Variants in HHLA1 observed in about 807,000 individuals in gnomAD.
HHLA1 encodes the protein HHLA1 neighbor of OC90.
In HHLA1, 72 loss-of-function variants were observed where a neutral mutation model predicts 69.9. That is an observed-to-expected ratio of 1.03 (90% CI 0.85 to 1.25). HHLA1 has a LOEUF of 1.25. Among genes scored for constraint, HHLA1 ranks in the 50% most tolerant of loss-of-function variants. The pLI is 0.00. For missense variants in HHLA1, 685 were observed against 642.2 expected (o/e 1.07, Z -0.72); for synonymous variants, 252 against 233.2 (o/e 1.08, Z -0.73).
intron 15 of HHLA1, chr8:132,069,972 CTTA>C (rs1419460434): frequency 2.2e-5 from 3 of 136,944 alleles, no homozygotes; most frequent in African/African-American, 3.1e-5. Context: ...ACAGGTCTTG[CTTA>C]TTGCCCTCTA....
rs112611342 is a variant in HHLA1, at chr8:132,109,774, A to C, written c.-22+1328T>G. ...TGTTCTGTTTTACTCACCTGCTTTCAAAATACCATCTTGGAGTGCCAGTAA... is the reference window on the plus strand; with the variant it reads ...TGTTCTGTTTTACTCACCTGCTTTCCAAATACCATCTTGGAGTGCCAGTAA... On this transcript the variant is annotated intron_variant, in intron 1 of 16. Transcript: ENST00000414222. Among the ~76,000 whole-genome samples the C allele has an allele frequency of 1.0e-3, 157 of 152,300 alleles. 1 individual carries two copies. The highest frequency in any genetic ancestry group is 3.7e-3 in the African/African-American group (154 of 41,580).
chr8:132,079,602 G>A (rs754043260), intron 11 of HHLA1, 116 bp downstream of exon 11: 69 of 1,142,040 alleles, frequency 6.0e-5, no homozygotes, highest in Middle Eastern at 4.9e-4. Flanking sequence ...AAGCTGAAGC[G>A]TAACTTCAGT....
At chr8:132,092,740 C>T (rs532608759) in intron 7 of HHLA1, among the ~76,000 whole-genome samples, 11 of 152,282 alleles carry the variant, frequency 7.2e-5, no homozygotes, top group South Asian at 4.1e-4. Flanking sequence ...GACCTCTTCT[C>T]TTTATAAATT....
rs1824067093 is a variant in HHLA1, at chr8:132,098,902, A to G, written c.260T>C (p.Met87Thr). 5 of 1,550,726 alleles carry G rather than the reference A, an allele frequency of 3.2e-6. No individual in the cohort carries two copies. In the South Asian group the frequency reaches 4.8e-5, roughly 15 times the overall value. ...ATTACCTTTTAACGCTCTACTGAGC[A>G]TCCCATTCACAAGCTCTGTCAGGTT... is the stretch of plus-strand genomic sequence containing the variant. ...ALNLTELVNG[M>T]LSRALKDSKK... Residue 87 changes from methionine to threonine, a missense_variant, in exon 5 of 17, where the codon ATG becomes ACG. Physicochemically the swap from Met to Thr is moderately conservative, Grantham distance 81. Transcript: ENST00000414222.
rs759296140 is a variant in HHLA1 at position 132,064,045 on chromosome 8, A to G, written c.1553-7T>C. ...AGGCACTTTTGCTTTAAGGCTGAAAAAAAAGCAGAAGAAGAAGGAACTCAA... is the reference window on the plus strand; with the variant it reads ...AGGCACTTTTGCTTTAAGGCTGAAAGAAAAGCAGAAGAAGAAGGAACTCAA... On this transcript the variant is annotated splice_polypyrimidine_tract_variant and splice_region_variant and intron_variant, in intron 16 of 16. Coordinates refer to ENST00000414222, the MANE Select transcript of HHLA1 (RefSeq NM_001145095.3). 7.7e-7 allele frequency: 1 copy of G among 1,303,416 alleles called. No homozygotes were observed. Among genetic ancestry groups the G allele is most frequent in the Non-Finnish European group, 1.0e-6 (1 of 987,572 alleles). The allele number at this position is 1,303,416 out of a possible 1,614,324, so 80.7% of individuals were successfully genotyped here.
chr8:132,073,742 G>A (rs926389763), intron 14 of HHLA1, among the ~76,000 whole-genome samples: 7 of 152,092 alleles, frequency 4.6e-5, no homozygotes, highest in Admixed American at 2.6e-4. Context: ...CTCAGGAAAT[G>A]ACACTTGGGA....
intron 16 of HHLA1, 31 bp from the exon 17 acceptor site, chr8:132,064,069 A>AAGGTACTGAGATAT: frequency 7.8e-7 from 1 of 1,280,826 alleles, no homozygotes. Context: ...GAAGGAACTC[A>AAGGTACTGAGATAT]AGGTACTGAG....
chr8:132,095,381 ATAATGAATGAGCACATGG>A, intron 7 of HHLA1, 120 bp downstream of exon 7: 1 of 525,984 alleles, frequency 1.9e-6, no homozygotes, highest in Middle Eastern at 4.7e-4. Context: ...TTTCACTGGG[ATAATGAATGAGCACATGG>A]TTAAGGGTAG....
rs142290806 is a variant in HHLA1 at position 132,099,005 on chromosome 8, G to A, written c.200-43C>T. 2,416 of 1,372,686 alleles carry A rather than the reference G, an allele frequency of 1.8e-3. 63 individuals are homozygous for A. In the Admixed American group the frequency reaches 0.046, roughly 26 times the overall value. 85.0% of individuals were successfully genotyped at this position (1,372,686 alleles called of 1,614,324 possible). A position where few individuals can be genotyped will look rare whatever the true frequency, so the allele number is the denominator to read the frequency against. ...ATAATGTCACTGGCAGGCTTTTCTC[G>A]GCAAGAGAAAAAGTTTCTCATTTCC... On this transcript the variant is annotated intron_variant, in intron 4 of 16. Transcript: ENST00000414222.
chr8:132,070,016 GGGGGGGGGA>G lies in HHLA1; in HGVS notation c.1469+1315_1469+1323del, dbSNP rs1264002302. On this transcript the variant is annotated intron_variant, in intron 15 of 16. Coordinates refer to ENST00000414222, the MANE Select transcript of HHLA1 (RefSeq NM_001145095.3). The stretch of plus-strand genomic sequence containing the variant: ...GGAGGAAATGTTCGTACTGACGGGG[GGGGGGGGGA>G]GGGGGATGAAAGATTACAGCTGGAA... 1.3e-3 allele frequency: 36 copies of G among 28,360 alleles called. 4 individuals carry two copies. Among genetic ancestry groups the G allele is most frequent in the Middle Eastern group, 7.0e-3 (1 of 142 alleles). The allele number at this position is 28,360 out of a possible 1,614,324, so 1.8% of individuals were successfully genotyped here.
intron 7 of HHLA1, among the ~76,000 whole-genome samples, chr8:132,093,129 G>A (rs1281698262): frequency 6.6e-6 from 1 of 152,134 alleles, no homozygotes; most frequent in Non-Finnish European, 1.5e-5. Context: ...TATTAGCTGG[G>A]GTACATAGGT....
chr8:132,091,364 G>C (rs1823943272), intron 7 of HHLA1, among the ~76,000 whole-genome samples: 1 of 152,164 alleles, frequency 6.6e-6, no homozygotes, highest in African/African-American at 2.4e-5. Context: ...TTTGCCCAAG[G>C]CTCAGAAAGA....
intron 1 of HHLA1, among the ~76,000 whole-genome samples, chr8:132,105,700 G>A (rs971251184): frequency 6.6e-6 from 1 of 152,166 alleles, no homozygotes; most frequent in African/African-American, 2.4e-5. Context: ...TTTGCTTGCA[G>A]CCCATACCAA....
intron 12 of HHLA1, among the ~76,000 whole-genome samples, chr8:132,077,189 C>G (rs999613218): frequency 1.3e-5 from 2 of 152,126 alleles, no homozygotes; most frequent in Non-Finnish European, 2.9e-5. Flanking sequence ...GAGGCACAGG[C>G]GATGGACACC....
intron 1 of HHLA1, among the ~76,000 whole-genome samples, chr8:132,107,108 C>G (rs1824213984): frequency 6.6e-6 from 1 of 152,082 alleles, no homozygotes; most frequent in African/African-American, 2.4e-5. Context: ...TTTCCCCCTT[C>G]TTCTTCTGTA....
In HHLA1 at chr8:132,063,723, A is replaced by C. The variant is rs925780042; in HGVS notation, c.*272T>G. On this transcript the variant is annotated 3_prime_UTR_variant, in exon 17 of 17. Coordinates refer to ENST00000414222, the MANE Select transcript of HHLA1 (RefSeq NM_001145095.3). ...TAGGAGTTTCTTGAGCATGAACACT[A>C]GATTTCCATGATTTTGAAGCAGGCA... The C allele has an allele frequency of 5.5e-6, 1 of 181,548 alleles. No individual in the cohort carries two copies. Among genetic ancestry groups the C allele is most frequent in the Non-Finnish European group, 1.2e-5 (1 of 83,452 alleles). The allele number at this position is 181,548 out of a possible 1,614,324, so 11.2% of individuals were successfully genotyped here.
At chr8:132,070,205 T>TTTAGTTC (rs1823510310) in intron 15 of HHLA1, 1 of 641,636 alleles carries the variant, frequency 1.6e-6, no homozygotes, top group African/African-American at 1.8e-5. Context: ...ATCTATGTAA[T>TTTAGTTC]TTAGTTCTGG....
At chr8:132,082,071 A>T (rs551070402) in intron 10 of HHLA1, among the ~76,000 whole-genome samples, 1 of 152,122 alleles carries the variant, frequency 6.6e-6, no homozygotes, top group African/African-American at 2.4e-5. Flanking sequence ...GAGATACAGT[A>T]ATGGGGGCCA....
chr8:132,064,681 A>T (rs1823406424), intron 16 of HHLA1, among the ~76,000 whole-genome samples: 1 of 152,224 alleles, frequency 6.6e-6, no homozygotes, highest in African/African-American at 2.4e-5. Flanking sequence ...TAAGCAGAAG[A>T]GGTAAATGGA....
Sources: gnomAD v4.1 joint callset for allele counts (sites outside exome capture counted in the v4.1 genomes callset) on GRCh38, gnomAD v4.1.1 for gene constraint, MANE v1.5 for transcripts, NCBI Gene and HGNC (gene_info 2026-07-23, HGNC 2026-07-21) for gene names.